Variants in SAG observed in about 807,000 individuals in gnomAD.
SAG encodes S-antigen visual arrestin.
Under a neutral mutation model 55.0 loss-of-function variants are expected in SAG, and 45 were observed. That is an observed-to-expected ratio of 0.82 (90% CI 0.64 to 1.05). The LOEUF is 1.05. Ranked by LOEUF, SAG falls within the 50% of genes least tolerant of loss-of-function variation. SAG has a pLI of 0.00. For missense variants in SAG, 455 were observed against 512.1 expected (o/e 0.89, Z 1.08); for synonymous variants, 189 against 197.4 (o/e 0.96, Z 0.36).
Position 233,319,993 on chromosome 2 carries a change from ATTC to A in SAG, c.182-632_182-630del, listed in dbSNP as rs1267111525. ...TAGAAGGTGTAGTGAACTTCATACA[ATTC>A]TTCTGGTCTACTGGGCGCACACTTC... On this transcript the variant is annotated intron_variant, in intron 4 of 15. Coordinates refer to ENST00000409110, the MANE Select transcript of SAG (RefSeq NM_000541.5). The surrounding 1 kb of genome is among the most constrained non-coding windows in gnomAD (Gnocchi z 4.4). 1 of 985,260 alleles carries A rather than the reference ATTC, an allele frequency of 1.0e-6. No homozygotes were observed. Among genetic ancestry groups the A allele is most frequent in the Non-Finnish European group, 1.2e-6 (1 of 829,794 alleles). The allele number at this position is 985,260 out of a possible 1,614,324, so 61.0% of individuals were successfully genotyped here. A position where few individuals can be genotyped will look rare whatever the true frequency, so the allele number is the denominator to read the frequency against.
intron 5 of SAG, among the ~76,000 whole-genome samples, chr2:233,322,039 T>C (rs1409700067): frequency 9.1e-5 from 12 of 132,382 alleles, no homozygotes; most frequent in African/African-American, 3.1e-4. Context: ...ACACACACAT[T>C]AGTCAGGCGT....
chr2:233,323,451 C>T lies in SAG; in HGVS notation c.435+446C>T, dbSNP rs1700448418. On this transcript the variant is annotated intron_variant, in intron 6 of 15. Coordinates refer to ENST00000409110, the MANE Select transcript of SAG (RefSeq NM_000541.5). Reference sequence around the variant, plus strand: ...TGATCTCGGCTCACCACAACCTCTGCCTGACAGGTTCAAGCGATTCTTCTG... The same window carrying T: ...TGATCTCGGCTCACCACAACCTCTGTCTGACAGGTTCAAGCGATTCTTCTG... Among the ~76,000 whole-genome samples the T allele has an allele frequency of 3.3e-5, 5 of 152,104 alleles. No homozygotes were observed. The South Asian group carries it at 1.0e-3, about 32-fold the overall frequency.
rs139840815 is a variant in SAG at position 233,331,622 on chromosome 2, C to A, written c.734-18C>A. On this transcript the variant is annotated intron_variant, in intron 9 of 15. Coordinates refer to ENST00000409110, the MANE Select transcript of SAG (RefSeq NM_000541.5). ...GGGGACCAGTGCTGACCACCGGACT[C>A]CCGTCTTCCCCTTGCAGTGGAACAG... The A allele has an allele frequency of 3.7e-3, 5,935 of 1,596,984 alleles. 20 individuals are homozygous for A. Among genetic ancestry groups the A allele is most frequent in the Non-Finnish European group, 4.6e-3 (5,338 of 1,164,750 alleles).
At chr2:233,324,274 A>C (rs11890336) in intron 6 of SAG, among the ~76,000 whole-genome samples, 111,804 of 152,086 alleles carry the variant, frequency 0.74, 41,583 homozygotes, top group African/African-American at 0.84. Flanking sequence ...TGCCTGTAGT[A>C]CCAGCTACTT....
Position 233,316,071 on chromosome 2 carries a change from G to T in SAG, c.76-4G>T, listed in dbSNP as rs755154039. On this transcript the variant is annotated splice_region_variant and splice_polypyrimidine_tract_variant and intron_variant, in intron 2 of 15. Coordinates refer to ENST00000409110, the MANE Select transcript of SAG (RefSeq NM_000541.5). Reference sequence around the variant, plus strand: ...CCTTAGACCCACACCTGTTCTTCTTGCAGGTGACCATCTACCTGGGGAACA... The same window carrying T: ...CCTTAGACCCACACCTGTTCTTCTTTCAGGTGACCATCTACCTGGGGAACA... The T allele has an allele frequency of 8.3e-6, 13 of 1,571,760 alleles. No individual in the cohort carries two copies. The highest frequency in any genetic ancestry group is 1.1e-5 in the Non-Finnish European group (13 of 1,149,740).
chr2:233,314,133 G>A, intron 2 of SAG, among the ~76,000 whole-genome samples: 1 of 151,424 alleles, frequency 6.6e-6, no homozygotes. Flanking sequence ...GAGGTGAGAG[G>A]ATCACTTGAT....
At chr2:233,311,154 G>A (rs922387902) in intron 2 of SAG, among the ~76,000 whole-genome samples, 3 of 152,144 alleles carry the variant, frequency 2.0e-5, no homozygotes, top group African/African-American at 7.2e-5. Flanking sequence ...CCTGTCTCAT[G>A]TATTCAGATC....
At chr2:233,333,987 G>A (rs1700847787) in intron 10 of SAG, 1 of 152,184 alleles carries the variant, frequency 6.6e-6, no homozygotes, top group African/African-American at 2.4e-5. Flanking sequence ...ACTTCCAGCT[G>A]TCTCAGGACA....
At chr2:233,339,686 T>C (rs988357331) in intron 12 of SAG, among the ~76,000 whole-genome samples, 2 of 107,578 alleles carry the variant, frequency 1.9e-5, no homozygotes, top group Non-Finnish European at 3.9e-5. Flanking sequence ...TTGACTTTTT[T>C]TTTTTGAGAT....
At chr2:233,328,132 T>C (rs1700629213) in intron 7 of SAG, 1 of 220,096 alleles carries the variant, frequency 4.5e-6, no homozygotes, top group Non-Finnish European at 8.9e-6. Flanking sequence ...CTCGCATGTA[T>C]ATGGCAGCTA....
In SAG at chr2:233,328,468, T is replaced by C; in HGVS notation, c.513-10T>C. Reference sequence around the variant, plus strand: ...CCAATCCCTGGCTTGTCTGTGGCTGTTTCCCACAGGAGCTCCGTGCGATTA... The same window carrying C: ...CCAATCCCTGGCTTGTCTGTGGCTGCTTCCCACAGGAGCTCCGTGCGATTA... On this transcript the variant is annotated splice_polypyrimidine_tract_variant and intron_variant, in intron 7 of 15. Coordinates refer to ENST00000409110, the MANE Select transcript of SAG (RefSeq NM_000541.5). 1.9e-6 allele frequency: 3 copies of C among 1,609,678 alleles called. No homozygotes were observed. The South Asian group carries it at 3.3e-5, about 18-fold the overall frequency.
rs915187207 is a variant in SAG, at chr2:233,319,019, C to T, written c.181+224C>T. 7.1e-6 allele frequency: 5 copies of T among 703,896 alleles called. No homozygotes were observed. Among genetic ancestry groups the T allele is most frequent in the Non-Finnish European group, 5.3e-6 (2 of 375,702 alleles). 43.6% of individuals were successfully genotyped at this position (703,896 alleles called of 1,614,324 possible). A position where few individuals can be genotyped will look rare whatever the true frequency, so the allele number is the denominator to read the frequency against. ...CTCACTCGCTCAGCAAAGTCATTGT[C>T]CAGGGTGGCAGATAAGTAGATGGTA... On this transcript the variant is annotated intron_variant, in intron 4 of 15. Transcript: ENST00000409110. The surrounding 1 kb of genome is among the most constrained non-coding windows in gnomAD (Gnocchi z 4.4).
Position 233,320,658 on chromosome 2 carries a change from C to A in SAG, c.210C>A (p.Arg70=). ...ATGTCACTCTGACCTGCGCCTTCCG[C>A]TATGGCCAAGAGGACATTGACGTGA... ...KVYVTLTCAF[R]YGQEDIDVIG... Residue 70 remains arginine (R), a synonymous_variant, in exon 5 of 16, where the codon CGC becomes CGA. Transcript: ENST00000409110. 1 of 1,604,478 alleles carries A rather than the reference C, an allele frequency of 6.2e-7. No individual in the cohort carries two copies. The highest frequency in any genetic ancestry group is 1.1e-5 in the South Asian group (1 of 89,026).
chr2:233,332,359 A>T (rs1238500905), intron 10 of SAG: 3 of 153,258 alleles, frequency 2.0e-5, no homozygotes, highest in Non-Finnish European at 4.4e-5. Context: ...GGATAGCTCG[A>T]CCAGGTCTTA....
In SAG at chr2:233,342,273, A is replaced by G. The variant is rs1701128547; in HGVS notation, c.1049A>G (p.Glu350Gly). The change falls in exon 14 of 16, where the codon GAA (glutamate) becomes GGA (glycine). Residue 350 changes from glutamate to glycine, a missense_variant and splice_region_variant. Physicochemically the swap from Glu to Gly is moderately conservative, Grantham distance 98 (BLOSUM62 -2). Transcript: ENST00000409110. Reference sequence around the variant, plus strand: ...CAATCTTCATTCTTTTTTTCTAGTGAAGTCGCCACTGAGGTCCCATTCCGC... The same window carrying G: ...CAATCTTCATTCTTTTTTTCTAGTGGAGTCGCCACTGAGGTCCCATTCCGC... Reference protein sequence around the residue: ...SGFLGELTSSEVATEVPFRLM... With the variant: ...SGFLGELTSSGVATEVPFRLM... 1 of 1,605,664 alleles carries G rather than the reference A, an allele frequency of 6.2e-7. No homozygotes were observed. The highest frequency in any genetic ancestry group is 2.2e-5 in the East Asian group (1 of 44,746).
At chr2:233,310,074 C>G (rs573723298) in intron 2 of SAG, among the ~76,000 whole-genome samples, 2 of 152,330 alleles carry the variant, frequency 1.3e-5, no homozygotes, top group South Asian at 2.1e-4. Flanking sequence ...ATGCCCCAGT[C>G]TGCCCCCTTT....
At chr2:233,329,051 C>T in intron 8 of SAG, 1 of 237,318 alleles carries the variant, frequency 4.2e-6, no homozygotes, top group South Asian at 5.8e-5. Flanking sequence ...TTAGGGGTGT[C>T]ATGGTGGGAA....
chr2:233,329,229 C>G (rs1436252324), intron 8 of SAG: 3 of 428,668 alleles, frequency 7.0e-6, no homozygotes, highest in Non-Finnish European at 1.3e-5. Flanking sequence ...TTTCACTTCA[C>G]TCATCCTGCC....
rs138240048 is a variant in SAG, at chr2:233,337,637, C to T, written c.945-1039C>T. On this transcript the variant is annotated intron_variant, in intron 11 of 15. Transcript: ENST00000409110. ...GAAACACGTGCTTGAGACACCTCCC[C>T]TCAGAGGTTCCCGAGCTGACGTCTT... Among the ~76,000 whole-genome samples, 401 of 152,324 alleles carry T rather than the reference C, an allele frequency of 2.6e-3. 1 individual carries two copies. Among genetic ancestry groups the T allele is most frequent in the Non-Finnish European group, 3.9e-3 (266 of 68,042 alleles).
Sources: gnomAD v4.1 joint callset for allele counts (sites outside exome capture counted in the v4.1 genomes callset) on GRCh38, gnomAD v4.1.1 for gene constraint, Gnocchi (gnomAD v3.1) non-coding constraint, MANE v1.5 for transcripts, NCBI Gene and HGNC (gene_info 2026-07-23, HGNC 2026-07-21) for gene names.